PDE6B: variants seen among roughly 807,000 people sequenced by gnomAD.
PDE6B encodes the protein phosphodiesterase 6B, also known as rod cGMP-specific 3',5'-cyclic phosphodiesterase subunit beta.
PDE6B carries 106 observed loss-of-function variants against 109.0 expected under a neutral mutation model. The observed-to-expected ratio is 0.97, with a 90% CI of 0.83 to 1.14. PDE6B has a LOEUF of 1.14. Among genes scored for constraint, PDE6B ranks in the 50% most tolerant of loss-of-function variants. The pLI is 0.00. For synonymous variants in PDE6B, 490 were observed against 471.3 expected, an observed-to-expected ratio of 1.04 and a Z score of -0.51; for missense variants, 1,193 against 1,155.6, an observed-to-expected ratio of 1.03 and a Z score of -0.47.
At chr4:654,287 C>A (rs752586444) in intron 5 of PDE6B, 133 bp downstream of exon 5, 1 of 800,566 alleles carries the variant, frequency 1.2e-6, no homozygotes, top group Admixed American at 2.0e-5. Context: ...CCCCGGGTGC[C>A]TGTCTGTGGT....
rs1011042594 is a variant in PDE6B, at chr4:666,189, C to G, written c.2269-342C>G. Reference sequence around the variant, plus strand: ...TCAGCCGAGTGTCTGGGCAGTGCAGCCCAGCCCGGCTCAGCACTGTGTACA... The same window carrying G: ...TCAGCCGAGTGTCTGGGCAGTGCAGGCCAGCCCGGCTCAGCACTGTGTACA... On this transcript the variant is annotated intron_variant, in intron 19 of 21. Transcript: ENST00000496514. The surrounding 1 kb of genome is among the most constrained non-coding windows in gnomAD (Gnocchi z 5.6). 1.3e-5 allele frequency among the ~76,000 whole-genome samples: 2 copies of G among 152,178 alleles called. No individual in the cohort carries two copies. The highest frequency in any genetic ancestry group is 2.9e-5 in the Non-Finnish European group (2 of 68,016).
At chr4:654,206 GA>G in intron 5 of PDE6B, 52 bp downstream of exon 5, 1 of 1,490,272 alleles carries the variant, frequency 6.7e-7, no homozygotes, top group Non-Finnish European at 9.3e-7. Context: ...CTGTTTCCCT[GA>G]CTCCAACTCC....
At chr4:660,663 C>G (rs1461629474) in intron 12 of PDE6B, 50 bp downstream of exon 12, 2 of 1,556,136 alleles carry the variant, frequency 1.3e-6, no homozygotes, top group East Asian at 4.5e-5. Context: ...CCGCCCAGGA[C>G]ATGGGGGTGG....
chr4:660,902 G>C (rs912113294), intron 12 of PDE6B, among the ~76,000 whole-genome samples: 2 of 150,054 alleles, frequency 1.3e-5, no homozygotes, highest in African/African-American at 4.9e-5. Flanking sequence ...AAGGAAGGAA[G>C]GCCAACAGGC....
At chr4:640,982 T>C (rs1214700831) in intron 3 of PDE6B, among the ~76,000 whole-genome samples, 2 of 152,222 alleles carry the variant, frequency 1.3e-5, no homozygotes, top group African/African-American at 4.8e-5. Context: ...AGCGCTCTAG[T>C]TGTCTTTCTT....
At chr4:661,140 TAATG>T (rs1447100863) in intron 12 of PDE6B, 1 of 153,372 alleles carries the variant, frequency 6.5e-6, no homozygotes, top group Non-Finnish European at 1.4e-5. Context: ...GTGGGTCAAT[TAATG>T]AATTAATAGA....
rs1298101662 is a variant in PDE6B at position 668,430 on chromosome 4, GCTACCCCATGCTGCTCCCA to G, written c.2503+475_2503+493del. Among the ~76,000 whole-genome samples, 518 of 122,448 alleles carry G rather than the reference GCTACCCCATGCTGCTCCCA, an allele frequency of 4.2e-3. 7 individuals are homozygous for G. The highest frequency in any genetic ancestry group is 0.016 in the East Asian group (78 of 4,894). The allele number at this position is 122,448 out of a possible 152,430, so 80.3% of individuals were successfully genotyped here. A position where few individuals can be genotyped will look rare whatever the true frequency, so the allele number is the denominator to read the frequency against. ...GCTCCCAGTATCCCATGCTATTCCC[GCTACCCCATGCTGCTCCCA>G]CTACCCCATGCTGCTCCCACTACCC... On this transcript the variant is annotated intron_variant, in intron 21 of 21. Coordinates refer to ENST00000496514, the MANE Select transcript of PDE6B (RefSeq NM_000283.4).
chr4:657,254 A>G, intron 9 of PDE6B, 97 bp from the exon 10 acceptor site: 1 of 1,414,914 alleles, frequency 7.1e-7, no homozygotes, highest in Non-Finnish European at 9.8e-7. Context: ...TGGCAGCCCC[A>G]GGACCTGCCC....
chr4:644,287 T>C (rs756300116), intron 3 of PDE6B, among the ~76,000 whole-genome samples: 1 of 152,142 alleles, frequency 6.6e-6, no homozygotes, highest in Middle Eastern at 3.4e-3. Context: ...GTTAAATCCA[T>C]TTTAAATTTT....
chr4:635,963 C>T lies in PDE6B; in HGVS notation c.705C>T (p.Arg235=), dbSNP rs760596729. The change falls in exon 3 of 22, where the codon CGC becomes CGT. Residue 235 remains arginine (R), a synonymous_variant. Transcript: ENST00000496514. ...LSYLHNCETR[R]GQVLLWSANK... ...ACCTCCACAACTGCGAGACGCGCCGCGGCCAGGTACCCACACGCTGAGCAC... is the reference window on the plus strand; with the variant it reads ...ACCTCCACAACTGCGAGACGCGCCGTGGCCAGGTACCCACACGCTGAGCAC... The T allele has an allele frequency of 1.4e-5, 23 of 1,592,672 alleles. No homozygotes were observed. The highest frequency in any genetic ancestry group is 1.9e-5 in the Non-Finnish European group (22 of 1,160,528).
At chr4:639,586 C>T (rs988823635) in intron 3 of PDE6B, among the ~76,000 whole-genome samples, 1 of 152,214 alleles carries the variant, frequency 6.6e-6, no homozygotes, top group African/African-American at 2.4e-5. Context: ...TTATGGCTGC[C>T]ATCGGCTTGA....
chr4:641,674 T>G (rs1181771967), intron 3 of PDE6B, among the ~76,000 whole-genome samples: 1 of 152,074 alleles, frequency 6.6e-6, no homozygotes, highest in Non-Finnish European at 1.5e-5. Context: ...TGAGACAGAG[T>G]CTCACTCTGT....
chr4:654,919 C>A, intron 6 of PDE6B, 31 bp downstream of exon 6: 1 of 1,277,706 alleles, frequency 7.8e-7, no homozygotes, highest in Non-Finnish European at 1.1e-6. Flanking sequence ...GAAGCGTCCC[C>A]GGGGGAGGGA....
intron 3 of PDE6B, among the ~76,000 whole-genome samples, chr4:644,308 T>C (rs1232177506): frequency 4.6e-5 from 7 of 152,018 alleles, no homozygotes; most frequent in African/African-American, 1.7e-4. Context: ...TCAGCTATAT[T>C]TCTGTTATTG....
At chr4:634,638 T>C in intron 1 of PDE6B, 39 bp from the exon 2 acceptor site, 1 of 1,575,410 alleles carries the variant, frequency 6.3e-7, no homozygotes, top group Non-Finnish European at 8.7e-7. Flanking sequence ...AGGCCCACGG[T>C]GCGACAGCCT....
chr4:649,638 C>T (rs943147669), intron 3 of PDE6B, among the ~76,000 whole-genome samples: 1 of 152,138 alleles, frequency 6.6e-6, no homozygotes, highest in Admixed American at 6.5e-5. Context: ...CGCTGGTGGA[C>T]CCACAGAGGC....
In PDE6B at chr4:636,681, G is replaced by A. The variant is rs528710234; in HGVS notation, c.711+712G>A. 8.1e-4 allele frequency among the ~76,000 whole-genome samples: 124 copies of A among 152,294 alleles called. No homozygotes were observed. Among genetic ancestry groups the A allele is most frequent in the African/African-American group, 2.6e-3 (110 of 41,566 alleles). ...ACGGCGGTCACCTCCTGCCTTCTCCGTGTCTTGTTCTGCCTGCGGATGCTG... is the reference window on the plus strand; with the variant it reads ...ACGGCGGTCACCTCCTGCCTTCTCCATGTCTTGTTCTGCCTGCGGATGCTG... On this transcript the variant is annotated intron_variant, in intron 3 of 21. Transcript: ENST00000496514. This position sits in a 1 kb window ranked among gnomAD's most constrained non-coding sequence, Gnocchi z 4.5.
At position 657,470 on chromosome 4, in the gene PDE6B, C is replaced by T. The variant is rs1288141269; in HGVS notation, c.1377C>T (p.Asp459=). The T allele has an allele frequency of 6.2e-7, 1 of 1,613,172 alleles. No individual in the cohort carries two copies. Among genetic ancestry groups the T allele is most frequent in the Non-Finnish European group, 8.5e-7 (1 of 1,179,864 alleles). ...TGGTCCTTTACCACGTGAAGTGCGA[C>T]AGGGACGAGATCCAGCTCATCCTGG... ...QDMVLYHVKC[D]RDEIQLILPT... is the part of the protein sequence containing the mutation. The change falls in exon 10 of 22, where the codon GAC becomes GAT. Residue 459 remains aspartate, a synonymous_variant. Transcript: ENST00000496514.
chr4:667,277 C>T (rs1440654123), intron 20 of PDE6B, among the ~76,000 whole-genome samples: 9 of 151,522 alleles, frequency 5.9e-5, no homozygotes, highest in Non-Finnish European at 8.8e-5. Flanking sequence ...GAAGTTGTCC[C>T]GGAGTGGGCT....
Sources: allele counts gnomAD v4.1 joint callset (sites outside exome capture counted in the v4.1 genomes callset), GRCh38; gene constraint gnomAD v4.1.1; non-coding constraint Gnocchi (gnomAD v3.1); transcripts MANE v1.5; gene names NCBI Gene and HGNC (gene_info 2026-07-23, HGNC 2026-07-21).